The following PFKM variants were observed in gnomAD, a reference collection of about 807,000 sequenced individuals.
PFKM encodes ATP-dependent 6-phosphofructokinase, muscle type.
A neutral mutation model predicts 95.5 loss-of-function variants in PFKM; 58 were observed. The observed-to-expected ratio is 0.61, with a 90% CI of 0.49 to 0.76. PFKM has a LOEUF of 0.76. Among genes scored for constraint, PFKM ranks in the 30% least tolerant of loss-of-function variants. The pLI, the probability that PFKM is intolerant of heterozygous loss-of-function variation, is 0.00. For synonymous variants in PFKM, 336 were observed against 357.2 expected (o/e 0.94, Z 0.67); for missense variants, 678 against 1,005.4 (o/e 0.67, Z 4.40).
intron 17 of PFKM, 70 bp downstream of exon 17, chr12:48,142,136 A>G (rs748700060): frequency 7.2e-7 from 1 of 1,383,750 alleles, no homozygotes; most frequent in Non-Finnish European, 1.0e-6. Flanking sequence ...TGTGGTCCCA[A>G]ACAGTGAGCT....
chr12:48,141,277 G>A (rs373291472), intron 14 of PFKM, 34 bp from the exon 15 acceptor site: 181 of 1,601,934 alleles, frequency 1.1e-4, no homozygotes, highest in Non-Finnish European at 5.6e-5. Context: ...TAGTGCTTTA[G>A]CCTTGTGCAG....
chr12:48,138,973 G>T (rs1403777270), intron 11 of PFKM, among the ~76,000 whole-genome samples: 1 of 152,136 alleles, frequency 6.6e-6, no homozygotes, highest in Non-Finnish European at 1.5e-5. Flanking sequence ...CCGGGAGGCA[G>T]GGGGTTGCAG....
chr12:48,123,013 A>G (rs1948443790), intron 2 of PFKM, among the ~76,000 whole-genome samples, 154 bp downstream of exon 2: 1 of 152,162 alleles, frequency 6.6e-6, no homozygotes, highest in Admixed American at 6.5e-5. Flanking sequence ...AGTGCATTTG[A>G]ATTTTATTTG....
intron 2 of PFKM, among the ~76,000 whole-genome samples, chr12:48,124,946 T>G (rs1430323486): frequency 6.6e-6 from 1 of 151,900 alleles, no homozygotes; most frequent in South Asian, 2.1e-4. Context: ...TTTTGTTTTG[T>G]TTTTTTTCCC....
chr12:48,105,465 G>A (rs369906571), upstream of PFKM: 8 of 518,980 alleles, frequency 1.5e-5, no homozygotes, highest in Non-Finnish European at 2.7e-5. Flanking sequence ...ACCTGAGCAG[G>A]AGGGTCCAGA....
chr12:48,105,737 T>G (rs1050918245), upstream of PFKM: 1 of 521,784 alleles, frequency 1.9e-6, no homozygotes, highest in African/African-American at 1.9e-5. Flanking sequence ...GGCGCTGGGA[T>G]GGGGCCTGCT....
chr12:48,119,226 A>C (rs866715918), upstream of PFKM: 11 of 973,780 alleles, frequency 1.1e-5, no homozygotes, highest in Non-Finnish European at 1.2e-5. Context: ...GGAGAAAGGC[A>C]AGCAGGAGGA....
At chr12:48,135,737 T>C (rs1950020762) in intron 10 of PFKM, among the ~76,000 whole-genome samples, 1 of 152,202 alleles carries the variant, frequency 6.6e-6, no homozygotes, top group Non-Finnish European at 1.5e-5. Context: ...CTTTCAATGG[T>C]AACATCTTGC....
At chr12:48,125,284 A>G (rs1274044592) in intron 2 of PFKM, 2 of 441,924 alleles carry the variant, frequency 4.5e-6, no homozygotes, top group Non-Finnish European at 9.0e-6. Context: ...ATAGCCAGCC[A>G]TTACAAATGT....
chr12:48,138,648 G>C (rs540672209), intron 11 of PFKM, among the ~76,000 whole-genome samples: 1 of 152,200 alleles, frequency 6.6e-6, no homozygotes, highest in Non-Finnish European at 1.5e-5. Flanking sequence ...TTACCTGTAG[G>C]ATCTTCATTT....
In PFKM at chr12:48,108,195, G is replaced by A. The variant is rs776556348; in HGVS notation, c.205+1G>A. On this transcript the variant is annotated splice_donor_variant, in intron 3 of 24. Coordinates refer to the PFKM transcript ENST00000340802. LOFTEE classifies it high-confidence loss of function. ...GGAAGCATACCTGTTTTCAAAACTGGTGAGGCATGTGGGTCAACAGTGAGA... is the reference window on the plus strand; with the variant it reads ...GGAAGCATACCTGTTTTCAAAACTGATGAGGCATGTGGGTCAACAGTGAGA... The A allele has an allele frequency of 1.9e-6, 3 of 1,597,488 alleles. No individual in the cohort carries two copies. Among genetic ancestry groups the A allele is most frequent in the African/African-American group, 1.3e-5 (1 of 74,850 alleles).
At chr12:48,114,688 A>G (rs1207019603), upstream of PFKM, among the ~76,000 whole-genome samples, 2 of 152,122 alleles carry the variant, frequency 1.3e-5, no homozygotes, top group Non-Finnish European at 2.9e-5. Context: ...GACGAGTTGC[A>G]TTGGGAACAC....
chr12:48,131,962 A>G (rs1465132404), intron 4 of PFKM: 2 of 454,828 alleles, frequency 4.4e-6, no homozygotes, highest in African/African-American at 2.0e-5. Context: ...GAGAAATACA[A>G]TCATTTGCTG....
At chr12:48,129,606 AT>A (rs1414968844) in intron 2 of PFKM, among the ~76,000 whole-genome samples, 1 of 152,206 alleles carries the variant, frequency 6.6e-6, no homozygotes, top group East Asian at 1.9e-4. Flanking sequence ...TGTGGCACAC[AT>A]TGGAACATAG....
chr12:48,132,954 T>G lies in PFKM; in HGVS notation c.324T>G (p.Arg108=), dbSNP rs1229405050. ...RLRAAYNLVK[R]GITNLCVIGG... is the part of the protein sequence containing the mutation. ...GAGCTGCCTACAACCTGGTGAAGCG[T>G]GGGATCACCAATCTCTGTGTCATTG... The change falls in exon 5 of 23, where the codon CGT becomes CGG. Residue 108 remains arginine (R), a synonymous_variant. Transcript: ENST00000359794. 1 of 1,614,034 alleles carries G rather than the reference T, an allele frequency of 6.2e-7. No homozygotes were observed. The highest frequency in any genetic ancestry group is 8.5e-7 in the Non-Finnish European group (1 of 1,179,886).
At chr12:48,105,857 G>T, upstream of PFKM, 1 of 602,168 alleles carries the variant, frequency 1.7e-6, no homozygotes, top group East Asian at 2.8e-5. Context: ...CCGGACAGCA[G>T]GGGGGAGGGG....
chr12:48,110,329 T>C (rs1414866259), intron 3 of PFKM, among the ~76,000 whole-genome samples: 1 of 152,204 alleles, frequency 6.6e-6, no homozygotes, highest in Non-Finnish European at 1.5e-5. Flanking sequence ...CTAGGTCTTA[T>C]GGACACTTTT....
At chr12:48,108,105 C>A (rs762078353) in exon 3 of PFKM, 1 of 1,599,200 alleles carries the variant, frequency 6.3e-7, no homozygotes, top group Non-Finnish European at 8.5e-7. Context: ...ATGCTCATAC[C>A]AAAGCCACCA....
chr12:48,115,758 A>G (rs1374414485), upstream of PFKM, among the ~76,000 whole-genome samples: 1 of 152,178 alleles, frequency 6.6e-6, no homozygotes, highest in Non-Finnish European at 1.5e-5. Flanking sequence ...TTGGCTCAGA[A>G]TAAATATCTT....
Sources: gnomAD v4.1 joint callset for allele counts (sites outside exome capture counted in the v4.1 genomes callset) on GRCh38, gnomAD v4.1.1 for gene constraint, MANE v1.5 for transcripts, NCBI Gene and HGNC (gene_info 2026-07-23, HGNC 2026-07-21) for gene names.